ATG10: variants seen among roughly 807,000 people sequenced by gnomAD.
ATG10 encodes the protein ubiquitin-like-conjugating enzyme ATG10.
In ATG10, 30 loss-of-function variants were observed where a neutral mutation model predicts 32.1. The observed-to-expected ratio is 0.94, with a 90% CI of 0.70 to 1.27. The LOEUF is 1.27. Among genes scored for constraint, ATG10 ranks in the 50% most tolerant of loss-of-function variants. ATG10 has a pLI of 0.00. For synonymous variants in ATG10, 87 were observed against 91.5 expected (o/e 0.95, Z 0.28); for missense variants, 233 against 262.3 (o/e 0.89, Z 0.77).
chr5:81,994,036 C>G (rs553542474), intron 2 of ATG10, among the ~76,000 whole-genome samples: 10 of 152,286 alleles, frequency 6.6e-5, no homozygotes, highest in African/African-American at 2.4e-4. Flanking sequence ...ATATCGGCTG[C>G]CTCTACACTA....
At chr5:82,021,760 C>A (rs1204848954) in intron 2 of ATG10, among the ~76,000 whole-genome samples, 1 of 152,020 alleles carries the variant, frequency 6.6e-6, no homozygotes, top group East Asian at 1.9e-4. Context: ...CACAGTGGCT[C>A]ACGCCTGTAA....
chr5:82,034,050 GTGTGTATATA>G (rs900987768), intron 2 of ATG10, among the ~76,000 whole-genome samples: 6 of 148,178 alleles, frequency 4.0e-5, no homozygotes, highest in East Asian at 3.9e-4. Flanking sequence ...TATATATATT[GTGTGTATATA>G]TGTGTATATT....
intron 2 of ATG10, among the ~76,000 whole-genome samples, chr5:81,993,120 C>A (rs1761508074): frequency 6.6e-6 from 1 of 151,970 alleles, no homozygotes; most frequent in Non-Finnish European, 1.5e-5. Context: ...GATCCAGGTT[C>A]AAATACCTTC....
chr5:82,114,291 T>C (rs1227923844), intron 3 of ATG10, among the ~76,000 whole-genome samples: 1 of 152,068 alleles, frequency 6.6e-6, no homozygotes, highest in Non-Finnish European at 1.5e-5. Context: ...TTCTGTTCTT[T>C]CTTCCTTGTT....
At chr5:82,015,428 G>A (rs1179702899) in intron 2 of ATG10, among the ~76,000 whole-genome samples, 6 of 152,300 alleles carry the variant, frequency 3.9e-5, no homozygotes, top group East Asian at 3.9e-4. Flanking sequence ...GTGTTTTCCA[G>A]CTTGGTTCCA....
intron 5 of ATG10, among the ~76,000 whole-genome samples, chr5:82,188,894 TTCAACTTCTCTTC>T (rs1395298013): frequency 2.6e-5 from 4 of 152,300 alleles, no homozygotes; most frequent in African/African-American, 9.6e-5. Context: ...TTCTACTCCC[TTCAACTTCTCTTC>T]TCACTTGTCA....
Position 82,043,405 on chromosome 5 carries a change from G to A in ATG10, c.109-15090G>A, listed in dbSNP as rs574482713. Among the ~76,000 whole-genome samples, 11 of 152,300 alleles carry A rather than the reference G, an allele frequency of 7.2e-5. No homozygotes were observed. The East Asian group carries it at 2.1e-3, about 29-fold the overall frequency. On this transcript the variant is annotated intron_variant, in intron 2 of 7. Coordinates refer to ENST00000282185, the MANE Select transcript of ATG10 (RefSeq NM_031482.5). ...GGGCTGTCATGGGACGGGCTGCCCT[G>A]AAGATCTCTAAAATACCCTGGAGAC...
chr5:82,049,589 A>G (rs993905739), intron 2 of ATG10, among the ~76,000 whole-genome samples: 4 of 152,136 alleles, frequency 2.6e-5, no homozygotes, highest in African/African-American at 7.2e-5. Context: ...AACTTCTTAT[A>G]CAAGTGAGCA....
At chr5:82,248,093 C>G (rs958034462) in intron 5 of ATG10, among the ~76,000 whole-genome samples, 2 of 152,136 alleles carry the variant, frequency 1.3e-5, no homozygotes, top group African/African-American at 2.4e-5. Context: ...TCATATTGGC[C>G]TTAGCTCTTA....
intron 3 of ATG10, among the ~76,000 whole-genome samples, chr5:82,163,728 G>T (rs1307662029): frequency 6.6e-6 from 1 of 152,078 alleles, no homozygotes; most frequent in African/African-American, 2.4e-5. Flanking sequence ...AAATGATCAG[G>T]TGAGAAGTGA....
At chr5:82,106,440 A>G (rs555486101) in intron 3 of ATG10, among the ~76,000 whole-genome samples, 2 of 152,192 alleles carry the variant, frequency 1.3e-5, no homozygotes, top group Non-Finnish European at 2.9e-5. Flanking sequence ...TTGCTCAGTA[A>G]CAGAGGTAGC....
intron 5 of ATG10, among the ~76,000 whole-genome samples, chr5:82,194,428 T>G (rs1461343188): frequency 6.6e-6 from 1 of 152,194 alleles, no homozygotes; most frequent in Non-Finnish European, 1.5e-5. Flanking sequence ...GACACTGACT[T>G]GGGTTTGGAC....
chr5:82,048,113 T>G (rs572297019), intron 2 of ATG10, among the ~76,000 whole-genome samples: 43 of 138,052 alleles, frequency 3.1e-4, no homozygotes, highest in East Asian at 2.6e-3. Context: ...CTGTTTTGGT[T>G]ACTGTAGCCT....
chr5:82,049,326 C>T (rs1763327006), intron 2 of ATG10, among the ~76,000 whole-genome samples: 1 of 145,090 alleles, frequency 6.9e-6, no homozygotes, highest in African/African-American at 2.6e-5. Flanking sequence ...CATATTCTCA[C>T]TCATAGGTGG....
chr5:82,214,881 A>G (rs1423376386), intron 5 of ATG10, among the ~76,000 whole-genome samples: 1 of 152,166 alleles, frequency 6.6e-6, no homozygotes, highest in African/African-American at 2.4e-5. Flanking sequence ...TTCATTCTCC[A>G]CTGTATTACC....
At chr5:82,162,917 ACTCTGGC>A (rs994301904) in intron 3 of ATG10, among the ~76,000 whole-genome samples, 1 of 151,906 alleles carries the variant, frequency 6.6e-6, no homozygotes, top group African/African-American at 2.4e-5. Context: ...AAAAAAATAC[ACTCTGGC>A]CTGTTAACGA....
chr5:82,007,298 T>C (rs1762011299), intron 2 of ATG10, among the ~76,000 whole-genome samples: 1 of 152,250 alleles, frequency 6.6e-6, no homozygotes, highest in Non-Finnish European at 1.5e-5. Context: ...GGAGATTACA[T>C]TTTTATTTCT....
intron 3 of ATG10, among the ~76,000 whole-genome samples, chr5:82,129,278 T>G (rs962326163): frequency 4.6e-5 from 7 of 151,988 alleles, no homozygotes; most frequent in Admixed American, 4.6e-4. Flanking sequence ...CTTCCTTGCA[T>G]TGGGTTAGAA....
chr5:82,109,950 T>TCCCCCCCCCCCCC (rs5869105), intron 3 of ATG10, among the ~76,000 whole-genome samples: 1 of 145,416 alleles, frequency 6.9e-6, no homozygotes, highest in Non-Finnish European at 1.5e-5. Context: ...CTATCCCCCA[T>TCCCCCCCCCCCCC]CCCCCCACCC....
Sources: gnomAD v4.1 joint callset for allele counts (sites outside exome capture counted in the v4.1 genomes callset) on GRCh38, gnomAD v4.1.1 for gene constraint, MANE v1.5 for transcripts, NCBI Gene and HGNC (gene_info 2026-07-23, HGNC 2026-07-21) for gene names.